Variants in NFIX observed in about 807,000 individuals in gnomAD.
NFIX encodes the protein nuclear factor 1 X-type.
A neutral mutation model predicts 53.3 loss-of-function variants in NFIX; 2 were observed. That is an observed-to-expected ratio of 0.04 (90% CI 0.02 to 0.12). NFIX has a LOEUF of 0.12. Ranked by LOEUF, NFIX falls within the 10% of genes least tolerant of loss-of-function variation. The pLI is 1.00. For synonymous variants in NFIX, 244 were observed against 289.0 expected, an observed-to-expected ratio of 0.84 and a Z score of 1.58; for missense variants, 310 against 674.5, an observed-to-expected ratio of 0.46 and a Z score of 5.99.
At chr19:12,997,801 G>A (rs2011522869) in intron 1 of NFIX, among the ~76,000 whole-genome samples, 1 of 152,214 alleles carries the variant, frequency 6.6e-6, no homozygotes, top group Non-Finnish European at 1.5e-5. Context: ...TGGATACGCC[G>A]GTGACATGGC....
intron 8 of NFIX, among the ~76,000 whole-genome samples, chr19:13,086,852 G>A (rs1289308769): frequency 3.3e-5 from 5 of 152,236 alleles, no homozygotes. Context: ...GCTGAAATCT[G>A]TGAGGACAGA....
intron 5 of NFIX, among the ~76,000 whole-genome samples, 188 bp downstream of exon 5, chr19:13,074,214 T>A (rs577774589): frequency 7.3e-4 from 111 of 152,346 alleles, no homozygotes; most frequent in Admixed American, 2.4e-3. Context: ...TGCTTTGTGC[T>A]GTCATGAAGG....
chr19:13,080,636 C>T (rs1358518197), intron 7 of NFIX, among the ~76,000 whole-genome samples: 3 of 150,184 alleles, frequency 2.0e-5, no homozygotes, highest in African/African-American at 4.9e-5. Context: ...GCCAGGAGTT[C>T]GAGGCTGCAG....
Position 13,022,902 on chromosome 19 carries a change from G to C in NFIX, c.28-2119G>C, listed in dbSNP as rs2145182047. The stretch of plus-strand genomic sequence containing the variant: ...GAAAAATTCATAACTGCTGGACTTT[G>C]CTTGTTCATTAGACGTGAACTTGTC... On this transcript the variant is annotated intron_variant, in intron 1 of 10. Coordinates refer to ENST00000592199, the MANE Select transcript of NFIX (RefSeq NM_001365902.3). This position sits in a 1 kb window ranked among gnomAD's most constrained non-coding sequence, Gnocchi z 4.5. 6.6e-6 allele frequency among the ~76,000 whole-genome samples: 1 copy of C among 151,664 alleles called. No individual in the cohort carries two copies. The highest frequency in any genetic ancestry group is 2.1e-4 in the South Asian group (1 of 4,784).
In NFIX at chr19:13,060,435, G is replaced by A. The variant is rs755324670; in HGVS notation, c.560-12612G>A. ...GCCAGCCTTGCCTCCTGGGGCATCA[G>A]CTCCCAGCTTGTGCTGCACCCTCTG... On this transcript the variant is annotated intron_variant, in intron 2 of 10. Coordinates refer to ENST00000592199, the MANE Select transcript of NFIX (RefSeq NM_001365902.3). The surrounding 1 kb of genome is among the most constrained non-coding windows in gnomAD (Gnocchi z 4.3). Among the ~76,000 whole-genome samples, 1 of 152,304 alleles carries A rather than the reference G, an allele frequency of 6.6e-6. No homozygotes were observed. The highest frequency in any genetic ancestry group is 2.1e-4 in the South Asian group (1 of 4,832).
At position 13,006,607 on chromosome 19, in the gene NFIX, C is replaced by T. The variant is rs1287177475; in HGVS notation, c.27+10743C>T. On this transcript the variant is annotated intron_variant, in intron 1 of 10. Transcript: ENST00000592199. The surrounding 1 kb of genome is among the most constrained non-coding windows in gnomAD (Gnocchi z 5.6). Reference sequence around the variant, plus strand: ...GCCCCTCAATTTAGCTCCCCCGGGGCGGGCTGGGTTTATTTTTACCCCAGC... The same window carrying T: ...GCCCCTCAATTTAGCTCCCCCGGGGTGGGCTGGGTTTATTTTTACCCCAGC... 1.3e-5 allele frequency among the ~76,000 whole-genome samples: 2 copies of T among 152,152 alleles called. No individual in the cohort carries two copies. Among genetic ancestry groups the T allele is most frequent in the South Asian group, 2.1e-4 (1 of 4,826 alleles).
At chr19:13,056,407 G>A (rs753846300) in intron 2 of NFIX, among the ~76,000 whole-genome samples, 1 of 152,212 alleles carries the variant, frequency 6.6e-6, no homozygotes, top group Non-Finnish European at 1.5e-5. Context: ...GGTGCTCACT[G>A]TGTGCAGAGG....
chr19:13,073,756 C>G lies in NFIX; in HGVS notation c.698-150C>G. On this transcript the variant is annotated intron_variant, in intron 4 of 10. Transcript: ENST00000592199. The surrounding 1 kb of genome is among the most constrained non-coding windows in gnomAD (Gnocchi z 4.5). ...GTGACCCACTAGCTGGGAGGAGGTTCCTCAGCAGCCCAGATGGCCCACTTT... is the reference window on the plus strand; with the variant it reads ...GTGACCCACTAGCTGGGAGGAGGTTGCTCAGCAGCCCAGATGGCCCACTTT... The G allele has an allele frequency of 2.8e-6, 3 of 1,070,512 alleles. No homozygotes were observed. Among genetic ancestry groups the G allele is most frequent in the Non-Finnish European group, 4.1e-6 (3 of 737,476 alleles). The allele number at this position is 1,070,512 out of a possible 1,614,324, so 66.3% of individuals were successfully genotyped here. A position where few individuals can be genotyped will look rare whatever the true frequency, so the allele number is the denominator to read the frequency against.
In NFIX at chr19:13,094,682, G is replaced by A. The variant is rs1329304361; in HGVS notation, c.*33G>A. The A allele has an allele frequency of 1.3e-6, 2 of 1,533,780 alleles. No individual in the cohort carries two copies. Among genetic ancestry groups the A allele is most frequent in the Non-Finnish European group, 1.7e-6 (2 of 1,144,842 alleles). The stretch of plus-strand genomic sequence containing the variant: ...GACAAAAGAAACAACAAAATGAGAA[G>A]AAGAGGTTCCTCGAAAGGGGGGAGA... On this transcript the variant is annotated 3_prime_UTR_variant, in exon 11 of 11. Coordinates refer to ENST00000592199, the MANE Select transcript of NFIX (RefSeq NM_001365902.3). The surrounding 1 kb of genome is among the most constrained non-coding windows in gnomAD (Gnocchi z 4.3).
intron 2 of NFIX, among the ~76,000 whole-genome samples, chr19:13,050,189 C>G (rs940517980): frequency 6.6e-6 from 1 of 152,240 alleles, no homozygotes; most frequent in African/African-American, 2.4e-5. Context: ...CCTGCTGACC[C>G]TTCCATCACT....
chr19:13,053,752 C>G (rs1405301825), intron 2 of NFIX, among the ~76,000 whole-genome samples: 1 of 152,174 alleles, frequency 6.6e-6, no homozygotes, highest in Non-Finnish European at 1.5e-5. Context: ...GTAGGAGAAT[C>G]TGTCCCCAAG....
chr19:13,088,136 T>C lies in NFIX; in HGVS notation c.1402T>C (p.Ser468Pro). The change falls in exon 9 of 11, where the codon TCA becomes CCA. Residue 468 changes from serine to proline, a missense_variant and splice_region_variant. Around this residue, in one of 5 missense-constraint regions of NFIX, gnomAD observed 44 missense variants for 73.4 expected, o/e 0.60. Transcript: ENST00000592199. The surrounding 1 kb of genome is among the most constrained non-coding windows in gnomAD (Gnocchi z 5.9). ...CGCCGCCTTGACTCCTCCATCACCT[T>C]GTAAGTGGACGATGAAACCGAAACC... Reference protein sequence around the residue: ...DGAALTPPSPSFATTGASSAN... With the variant: ...DGAALTPPSPPFATTGASSAN... The C allele has an allele frequency of 6.5e-7, 1 of 1,536,554 alleles. No individual in the cohort carries two copies. Among genetic ancestry groups the C allele is most frequent in the Non-Finnish European group, 8.7e-7 (1 of 1,146,962 alleles).
rs2016396601 is a variant in NFIX, at chr19:13,066,302, G to A, written c.560-6745G>A. 6.6e-6 allele frequency among the ~76,000 whole-genome samples: 1 copy of A among 152,154 alleles called. No individual in the cohort carries two copies. The highest frequency in any genetic ancestry group is 2.1e-4 in the South Asian group (1 of 4,828). ...GGGGTCAGGGGATGGAGAGGGGAATGTCCCATCCAGATGCTGGCCCTTCAT... is the reference window on the plus strand; with the variant it reads ...GGGGTCAGGGGATGGAGAGGGGAATATCCCATCCAGATGCTGGCCCTTCAT... On this transcript the variant is annotated intron_variant, in intron 2 of 10. Coordinates refer to ENST00000592199, the MANE Select transcript of NFIX (RefSeq NM_001365902.3). This position sits in a 1 kb window ranked among gnomAD's most constrained non-coding sequence, Gnocchi z 4.2.
chr19:13,097,630 C>G lies in NFIX; in HGVS notation c.*2981C>G, dbSNP rs2018536955. 1 of 152,406 alleles carries G rather than the reference C, an allele frequency of 6.6e-6. No individual in the cohort carries two copies. The highest frequency in any genetic ancestry group is 2.4e-5 in the African/African-American group (1 of 41,512). The allele number at this position is 152,406 out of a possible 1,614,324, so 9.4% of individuals were successfully genotyped here. On this transcript the variant is annotated 3_prime_UTR_variant, in exon 11 of 11. Transcript: ENST00000592199. ...GCCCAGCACCCCTCCTCGCCCCATC[C>G]CCGTCCGGGTACGGGGGCGCGGCAG...
Position 13,073,980 on chromosome 19 carries a change from C to G in NFIX, c.772C>G (p.Gln258Glu). Residue 258 changes from glutamine to glutamate, a missense_variant, in exon 5 of 11, where the codon CAG becomes GAG. This residue lies in a region of NFIX where 164 missense variants were observed against 284.4 expected (regional missense o/e 0.58). Transcript: ENST00000592199. This position sits in a 1 kb window ranked among gnomAD's most constrained non-coding sequence, Gnocchi z 4.5. ...LESPSYYNIN[Q>E]VTLGRRSITS... ...GAGTCCCAGCTACTACAACATCAAC[C>G]AGGTGACCCTGGGGCGGCGGTCCAT... 1 of 1,613,996 alleles carries G rather than the reference C, an allele frequency of 6.2e-7. No homozygotes were observed. Among genetic ancestry groups the G allele is most frequent in the Non-Finnish European group, 8.5e-7 (1 of 1,179,870 alleles).
chr19:13,075,186 G>T (rs1054270406), intron 5 of NFIX, among the ~76,000 whole-genome samples: 2 of 151,314 alleles, frequency 1.3e-5, no homozygotes, highest in Non-Finnish European at 2.9e-5. Flanking sequence ...CTGTGAGTAC[G>T]TCATTCACCT....
intron 1 of NFIX, among the ~76,000 whole-genome samples, chr19:13,007,457 C>G (rs1445412105): frequency 1.3e-5 from 2 of 152,238 alleles, no homozygotes; most frequent in Non-Finnish European, 2.9e-5. Context: ...TGCCCTGCAC[C>G]TGGTATTGGC....
chr19:13,091,400 C>CA (rs57370192), intron 10 of NFIX, among the ~76,000 whole-genome samples: 7,490 of 57,060 alleles, frequency 0.13, 455 homozygotes, highest in African/African-American at 0.18. Context: ...TTCCTTCCCT[C>CA]AAAAAAAAAA....
rs2145557349 is a variant in NFIX, at chr19:13,098,184, AAAAT to A, written c.*3539_*3542del. On this transcript the variant is annotated 3_prime_UTR_variant, in exon 11 of 11. Transcript: ENST00000592199. ...CTGAACAGACCCCCCCACACGAGAG[AAAAT>A]AAAGGAGCAATAAAGTCACGAGAAC... The A allele has an allele frequency of 7.0e-6, 1 of 141,952 alleles. No individual in the cohort carries two copies. The highest frequency in any genetic ancestry group is 1.5e-5 in the Non-Finnish European group (1 of 65,022). 8.8% of individuals were successfully genotyped at this position (141,952 alleles called of 1,614,324 possible).
Sources: gnomAD v4.1 joint callset for allele counts (sites outside exome capture counted in the v4.1 genomes callset) on GRCh38, gnomAD v4.1.1 for gene constraint, gnomAD v4.1.1 regional missense constraint, Gnocchi (gnomAD v3.1) non-coding constraint, MANE v1.5 for transcripts, NCBI Gene and HGNC (gene_info 2026-07-23, HGNC 2026-07-21) for gene names.